The following MYOD1 variants were observed in gnomAD, a reference collection of about 807,000 sequenced individuals.
MYOD1 encodes the protein myogenic differentiation 1.
A neutral mutation model predicts 14.9 loss-of-function variants in MYOD1; 15 were observed. The observed-to-expected ratio is 1.01, with a 90% CI of 0.67 to 1.55. The LOEUF is 1.55. Ranked by LOEUF, MYOD1 falls within the 40% of genes most tolerant of loss-of-function variation. The pLI is 0.00. For synonymous variants in MYOD1, 235 were observed against 218.6 expected, an observed-to-expected ratio of 1.07 and a Z score of -0.66; for missense variants, 529 against 482.6, an observed-to-expected ratio of 1.10 and a Z score of -0.90.
Position 17,719,746 on chromosome 11 carries a change from G to T in MYOD1, c.-37G>T. The T allele has an allele frequency of 5.7e-6, 9 of 1,569,738 alleles. No individual in the cohort carries two copies. Among genetic ancestry groups the T allele is most frequent in the Middle Eastern group, 1.7e-4 (1 of 5,836 alleles). ...CCGGCCACTCTCTGCCGCTTGGGTT[G>T]GGCGAAGCCAGGACCGTGCCGCGCC... On this transcript the variant is annotated 5_prime_UTR_variant, in exon 1 of 3. Transcript: ENST00000250003.
At position 17,721,341 on chromosome 11, in the gene MYOD1, G is replaced by A. The variant is rs749457890; in HGVS notation, c.796G>A (p.Ala266Thr). The change falls in exon 3 of 3, where the codon GCG (alanine) becomes ACG (threonine). Residue 266 changes from alanine (A) to threonine (T), a missense_variant. Ala to Thr is a moderately conservative substitution (Grantham distance 58). Coordinates refer to ENST00000250003, the MANE Select transcript of MYOD1 (RefSeq NM_002478.5). The surrounding 1 kb of genome is among the most constrained non-coding windows in gnomAD (Gnocchi z 6.2). ...GCGCATCTCCACCGAGAGCCCTGCG[G>A]CGCCCGCCCTCCTGCTGGCGGACGT... ...VERISTESPA[A>T]PALLLADVPS... 3.7e-5 allele frequency: 59 copies of A among 1,594,358 alleles called. 1 individual carries two copies. The highest frequency in any genetic ancestry group is 2.9e-4 in the South Asian group (26 of 90,048).
chr11:17,719,881 G>A lies in MYOD1; in HGVS notation c.99G>A (p.Pro33=). The change falls in exon 1 of 3, where the codon CCG becomes CCA. Residue 33 remains proline (P), a synonymous_variant. Coordinates refer to ENST00000250003, the MANE Select transcript of MYOD1 (RefSeq NM_002478.5). ...CAACGGACGACTTCTATGACGACCCGTGTTTCGACTCCCCGGACCTGCGCT... is the reference window on the plus strand; with the variant it reads ...CAACGGACGACTTCTATGACGACCCATGTTTCGACTCCCCGGACCTGCGCT... The part of the protein sequence containing the change: ...FATTDDFYDD[P]CFDSPDLRFF... The A allele has an allele frequency of 6.2e-7, 1 of 1,613,920 alleles. No homozygotes were observed. Among genetic ancestry groups the A allele is most frequent in the Non-Finnish European group, 8.5e-7 (1 of 1,179,996 alleles).
chr11:17,720,453 G>T, intron 1 of MYOD1, 41 bp downstream of exon 1: 1 of 1,506,464 alleles, frequency 6.6e-7, no homozygotes, highest in South Asian at 1.3e-5. Context: ...TTAGGGCGGC[G>T]CTCGGGATAT....
chr11:17,721,860 G>A lies in MYOD1; in HGVS notation c.*352G>A. ...CCCGGGATGCACCGGTTATTTGGGG[G>A]GGCGTGAGACCCAGTGCACTCCGGT... On this transcript the variant is annotated 3_prime_UTR_variant, in exon 3 of 3. Transcript: ENST00000250003. This position sits in a 1 kb window ranked among gnomAD's most constrained non-coding sequence, Gnocchi z 6.2. 3.2e-6 allele frequency: 1 copy of A among 311,556 alleles called. No homozygotes were observed. The highest frequency in any genetic ancestry group is 8.4e-4 in the Middle Eastern group (1 of 1,188). 19.3% of individuals were successfully genotyped at this position (311,556 alleles called of 1,614,324 possible).
Position 17,721,891 on chromosome 11 carries a change from A to C in MYOD1, c.*383A>C. On this transcript the variant is annotated 3_prime_UTR_variant, in exon 3 of 3. Transcript: ENST00000250003. This position sits in a 1 kb window ranked among gnomAD's most constrained non-coding sequence, Gnocchi z 6.2. ...GAGACCCAGTGCACTCCGGTCCCAA[A>C]TGTAGCAGGTGTAACCGTAACCCAC... 14 of 271,812 alleles carry C rather than the reference A, an allele frequency of 5.2e-5. No individual in the cohort carries two copies. Among genetic ancestry groups the C allele is most frequent in the Non-Finnish European group, 6.9e-5 (10 of 145,020 alleles). 16.8% of individuals were successfully genotyped at this position (271,812 alleles called of 1,614,324 possible). A position where few individuals can be genotyped will look rare whatever the true frequency, so the allele number is the denominator to read the frequency against.
Position 17,721,243 on chromosome 11 carries a change from C to T in MYOD1, c.710-12C>T. The stretch of plus-strand genomic sequence containing the variant: ...CCCACCCCTGCTTACTAACCGAGCC[C>T]TCCCCGCGCAGAACCCAGGCCCGGG... On this transcript the variant is annotated splice_polypyrimidine_tract_variant and intron_variant, in intron 2 of 2. Transcript: ENST00000250003. This position sits in a 1 kb window ranked among gnomAD's most constrained non-coding sequence, Gnocchi z 6.2. The T allele has an allele frequency of 6.5e-7, 1 of 1,530,820 alleles. No individual in the cohort carries two copies. The highest frequency in any genetic ancestry group is 8.8e-7 in the Non-Finnish European group (1 of 1,140,532). The allele number at this position is 1,530,820 out of a possible 1,614,324, so 94.8% of individuals were successfully genotyped here.
At chr11:17,720,857 C>T (rs762686887) in intron 1 of MYOD1, 45 bp from the exon 2 acceptor site, 3 of 1,587,456 alleles carry the variant, frequency 1.9e-6, no homozygotes, top group Non-Finnish European at 2.6e-6. Context: ...GTTCGGGCCT[C>T]GAGCCGTCCC....
In MYOD1 at chr11:17,721,008, GCTC is replaced by G. The variant is rs1486175338; in HGVS notation, c.709+37_709+39del. ...GGGTATTCCGGGCCTCTCCCTGCTC[GCTC>G]CTCCTCCTTCATGGAGCTGTCCTGG... is the stretch of plus-strand genomic sequence containing the variant. On this transcript the variant is annotated intron_variant, in intron 2 of 2. Coordinates refer to ENST00000250003, the MANE Select transcript of MYOD1 (RefSeq NM_002478.5). The surrounding 1 kb of genome is among the most constrained non-coding windows in gnomAD (Gnocchi z 6.2). 2 of 1,552,970 alleles carry G rather than the reference GCTC, an allele frequency of 1.3e-6. No individual in the cohort carries two copies. The highest frequency in any genetic ancestry group is 2.4e-5 in the East Asian group (1 of 42,204).
rs1848632621 is a variant in MYOD1, at chr11:17,721,035, G to A, written c.709+55G>A. 18 of 1,506,996 alleles carry A rather than the reference G, an allele frequency of 1.2e-5. No homozygotes were observed. The highest frequency in any genetic ancestry group is 1.5e-5 in the Non-Finnish European group (17 of 1,122,646). The allele number at this position is 1,506,996 out of a possible 1,614,324, so 93.4% of individuals were successfully genotyped here. A position where few individuals can be genotyped will look rare whatever the true frequency, so the allele number is the denominator to read the frequency against. Reference sequence around the variant, plus strand: ...TCCTCCTCCTTCATGGAGCTGTCCTGGCCTCTATCTAGGACGCTCCCACCC... The same window carrying A: ...TCCTCCTCCTTCATGGAGCTGTCCTAGCCTCTATCTAGGACGCTCCCACCC... On this transcript the variant is annotated intron_variant, in intron 2 of 2. Transcript: ENST00000250003. This position sits in a 1 kb window ranked among gnomAD's most constrained non-coding sequence, Gnocchi z 6.2.
intron 1 of MYOD1, 63 bp downstream of exon 1, chr11:17,720,475 T>C: frequency 6.8e-7 from 1 of 1,471,680 alleles, no homozygotes; most frequent in Non-Finnish European, 8.9e-7. Context: ...AGGGACGCGT[T>C]TCCGAGGGCG....
rs1590084412 is a variant in MYOD1 at position 17,720,885 on chromosome 11, G to C, written c.631-17G>C. The stretch of plus-strand genomic sequence containing the variant: ...GCCGTCCCGCGGGCCTGACTCAGTC[G>C]CCCTTGCTGTTTGCAGATGGACTAC... On this transcript the variant is annotated splice_polypyrimidine_tract_variant and intron_variant, in intron 1 of 2. Coordinates refer to ENST00000250003, the MANE Select transcript of MYOD1 (RefSeq NM_002478.5). 6.2e-7 allele frequency: 1 copy of C among 1,607,630 alleles called. No individual in the cohort carries two copies.
chr11:17,721,697 G>A lies in MYOD1; in HGVS notation c.*189G>A. The A allele has an allele frequency of 1.7e-6, 1 of 586,380 alleles. No individual in the cohort carries two copies. The highest frequency in any genetic ancestry group is 2.7e-6 in the Non-Finnish European group (1 of 366,102). The allele number at this position is 586,380 out of a possible 1,614,324, so 36.3% of individuals were successfully genotyped here. ...AAGGACACAGCGCGGTTTTTTCCAC[G>A]CAGCACCCTTCTCGGAGACCCATTG... On this transcript the variant is annotated 3_prime_UTR_variant, in exon 3 of 3. Coordinates refer to ENST00000250003, the MANE Select transcript of MYOD1 (RefSeq NM_002478.5). The surrounding 1 kb of genome is among the most constrained non-coding windows in gnomAD (Gnocchi z 6.2).
In MYOD1 at chr11:17,721,296, T is replaced by G; in HGVS notation, c.751T>G (p.Cys251Gly). The change falls in exon 3 of 3, where the codon TGC becomes GGC. Residue 251 changes from cysteine to glycine, a missense_variant. Transcript: ENST00000250003. This position sits in a 1 kb window ranked among gnomAD's most constrained non-coding sequence, Gnocchi z 6.2. ...GKSAAVSSLD[C>G]LSSIVERIST... ...GAGTGCGGCGGTGTCGAGCCTAGACTGCCTGTCCAGCATCGTGGAGCGCAT... is the reference window on the plus strand; with the variant it reads ...GAGTGCGGCGGTGTCGAGCCTAGACGGCCTGTCCAGCATCGTGGAGCGCAT... The G allele has an allele frequency of 6.3e-7, 1 of 1,588,564 alleles. No individual in the cohort carries two copies. The highest frequency in any genetic ancestry group is 8.5e-7 in the Non-Finnish European group (1 of 1,171,406).
chr11:17,720,280 C>G lies in MYOD1; in HGVS notation c.498C>G (p.Asp166Glu), dbSNP rs561153957. ...YIEGLQALLR[D>E]QDAAPPGAAA... is the part of the protein sequence containing the mutation. ...AGGGCCTGCAGGCTCTGCTGCGCGA[C>G]CAGGACGCCGCGCCCCCTGGCGCCG... The change falls in exon 1 of 3, where the codon GAC becomes GAG. Residue 166 changes from aspartate (D) to glutamate (E), a missense_variant. Physicochemically the swap from Asp to Glu is conservative, Grantham distance 45. Transcript: ENST00000250003. The G allele has an allele frequency of 8.1e-6, 13 of 1,595,940 alleles. No individual in the cohort carries two copies. The Admixed American group carries it at 2.1e-4, about 26-fold the overall frequency.
rs759616173 is a variant in MYOD1, at chr11:17,720,346, C to T, written c.564C>T (p.Arg188=). Residue 188 remains arginine (R), a synonymous_variant, in exon 1 of 3, where the codon CGC becomes CGT. Transcript: ENST00000250003. ...FYAPGPLPPG[R]GGEHYSGDSD... is the part of the protein sequence containing the mutation. ...CGCCGGGCCCGCTGCCCCCGGGCCG[C>T]GGCGGCGAGCACTACAGCGGCGACT... The T allele has an allele frequency of 1.3e-6, 2 of 1,535,000 alleles. No homozygotes were observed. The highest frequency in any genetic ancestry group is 1.2e-5 in the South Asian group (1 of 80,346).
rs773919451 is a variant in MYOD1, at chr11:17,720,335, C to A, written c.553C>A (p.Pro185Thr). The A allele has an allele frequency of 5.8e-6, 9 of 1,543,260 alleles. No individual in the cohort carries two copies. The highest frequency in any genetic ancestry group is 4.9e-5 in the South Asian group (4 of 81,574). Residue 185 changes from proline to threonine, a missense_variant, in exon 1 of 3, where the codon CCC (proline) becomes ACC (threonine). Transcript: ENST00000250003. ...AAAFYAPGPL[P>T]PGRGGEHYSG... ...CGCCTTCTATGCGCCGGGCCCGCTG[C>A]CCCCGGGCCGCGGCGGCGAGCACTA...
At position 17,720,935 on chromosome 11, in the gene MYOD1, C is replaced by T; in HGVS notation, c.664C>T (p.Arg222Trp). 8 of 1,611,040 alleles carry T rather than the reference C, an allele frequency of 5.0e-6. No homozygotes were observed. The highest frequency in any genetic ancestry group is 1.1e-5 in the South Asian group (1 of 90,568). The change falls in exon 2 of 3, where the codon CGG becomes TGG. Residue 222 changes from arginine to tryptophan, a missense_variant. Coordinates refer to ENST00000250003, the MANE Select transcript of MYOD1 (RefSeq NM_002478.5). ...CAGCGGCCCCCCGAGCGGCGCCCGG[C>T]GGCGGAACTGCTACGAAGGCGCCTA... ...DYSGPPSGAR[R>W]RNCYEGAYYN...
At position 17,721,503 on chromosome 11, in the gene MYOD1, C is replaced by A; in HGVS notation, c.958C>A (p.Leu320Ile). The A allele has an allele frequency of 6.6e-7, 1 of 1,526,472 alleles. No individual in the cohort carries two copies. Among genetic ancestry groups the A allele is most frequent in the South Asian group, 1.2e-5 (1 of 81,352 alleles). 94.6% of individuals were successfully genotyped at this position (1,526,472 alleles called of 1,614,324 possible). A position where few individuals can be genotyped will look rare whatever the true frequency, so the allele number is the denominator to read the frequency against. ...GAACCCCAACCCGATATACCAGGTG[C>A]TCTGAGGGGATGGTGGCCGCCCACC... ...GANPNPIYQV[L>I] Residue 320 changes from leucine (L) to isoleucine (I), a missense_variant, in exon 3 of 3, where the codon CTC becomes ATC. Leu to Ile is a conservative substitution (Grantham distance 5). Coordinates refer to ENST00000250003, the MANE Select transcript of MYOD1 (RefSeq NM_002478.5). The surrounding 1 kb of genome is among the most constrained non-coding windows in gnomAD (Gnocchi z 6.2).
chr11:17,721,361 G>C lies in MYOD1; in HGVS notation c.816G>C (p.Ala272=), dbSNP rs1282805155. The stretch of plus-strand genomic sequence containing the variant: ...CTGCGGCGCCCGCCCTCCTGCTGGC[G>C]GACGTGCCTTCTGAGTCGCCTCCGC... The part of the protein sequence containing the change: ...ESPAAPALLL[A]DVPSESPPRR... Residue 272 remains alanine (A), a synonymous_variant, in exon 3 of 3, where the codon GCG becomes GCC. Transcript: ENST00000250003. The surrounding 1 kb of genome is among the most constrained non-coding windows in gnomAD (Gnocchi z 6.2). 6.3e-7 allele frequency: 1 copy of C among 1,594,510 alleles called. No homozygotes were observed. The highest frequency in any genetic ancestry group is 8.5e-7 in the Non-Finnish European group (1 of 1,177,092).
Sources: gnomAD v4.1 joint callset for allele counts on GRCh38, gnomAD v4.1.1 for gene constraint, Gnocchi (gnomAD v3.1) non-coding constraint, MANE v1.5 for transcripts, NCBI Gene and HGNC (gene_info 2026-07-23, HGNC 2026-07-21) for gene names.